The following AUH variants were observed in gnomAD, a reference collection of about 807,000 sequenced individuals.
AUH encodes AU RNA binding methylglutaconyl-CoA hydratase.
AUH carries 29 observed loss-of-function variants against 42.3 expected under a neutral mutation model. The ratio of observed to expected loss-of-function variants is 0.69; its 90% CI spans 0.51 to 0.93. AUH has a LOEUF of 0.93. Among genes scored for constraint, AUH ranks in the 40% least tolerant of loss-of-function variants. The pLI is 0.00. For missense variants in AUH, 452 were observed against 438.1 expected (o/e 1.03, Z -0.28); for synonymous variants, 174 against 166.4 (o/e 1.05, Z -0.35).
intron 6 of AUH, among the ~76,000 whole-genome samples, chr9:91,240,408 G>A (rs529467814): frequency 6.6e-6 from 1 of 152,134 alleles, no homozygotes; most frequent in Non-Finnish European, 1.5e-5. Context: ...CAAGACGTGA[G>A]CACATGACTC....
chr9:91,325,880 T>TA (rs1393293558), intron 3 of AUH, among the ~76,000 whole-genome samples: 5 of 152,140 alleles, frequency 3.3e-5, no homozygotes, highest in Admixed American at 3.3e-4. Flanking sequence ...GCCAACCCAG[T>TA]AAAAAGGGCA....
intron 6 of AUH, among the ~76,000 whole-genome samples, chr9:91,283,113 C>T (rs527426576): frequency 4.0e-4 from 61 of 152,004 alleles, no homozygotes; most frequent in African/African-American, 1.4e-3. Context: ...GCTTATCCAC[C>T]ATGATCAAGT....
chr9:91,280,934 T>A (rs1280007974), intron 6 of AUH, among the ~76,000 whole-genome samples: 1 of 152,206 alleles, frequency 6.6e-6, no homozygotes, highest in Non-Finnish European at 1.5e-5. Context: ...CCTGTGCATT[T>A]TCCTCTTTCA....
At chr9:91,332,542 G>T (rs1193982667) in intron 3 of AUH, among the ~76,000 whole-genome samples, 1 of 152,134 alleles carries the variant, frequency 6.6e-6, no homozygotes, top group Non-Finnish European at 1.5e-5. Context: ...TCCTTAAAAA[G>T]TGTAAACTGA....
chr9:91,347,160 C>G (rs941652467), intron 3 of AUH, among the ~76,000 whole-genome samples: 1 of 152,134 alleles, frequency 6.6e-6, no homozygotes, highest in Non-Finnish European at 1.5e-5. Context: ...CCTCAGCCCC[C>G]TCAAGTAGCT....
At position 91,313,439 on chromosome 9, in the gene AUH, C is replaced by G. The variant is rs1024301725; in HGVS notation, c.505+11879G>C. The stretch of plus-strand genomic sequence containing the variant: ...GAACAAACTTGGCCGGGCGCGGTGG[C>G]TCACGCCTGTAATCCCAGCACTTTG... On this transcript the variant is annotated intron_variant, in intron 4 of 9. Transcript: ENST00000375731. Among the ~76,000 whole-genome samples the G allele has an allele frequency of 3.9e-5, 6 of 152,036 alleles. No individual in the cohort carries two copies. The South Asian group carries it at 1.2e-3, about 32-fold the overall frequency.
At chr9:91,301,459 T>C (rs999033349) in intron 4 of AUH, among the ~76,000 whole-genome samples, 1 of 152,114 alleles carries the variant, frequency 6.6e-6, no homozygotes, top group East Asian at 1.9e-4. Flanking sequence ...AATCCCAGCA[T>C]TCTGGGAGGC....
intron 6 of AUH, among the ~76,000 whole-genome samples, chr9:91,292,865 C>G (rs574511356): frequency 6.6e-6 from 1 of 152,196 alleles, no homozygotes; most frequent in South Asian, 2.1e-4. Context: ...TTAATGGTAA[C>G]CCTGCATCAA....
intron 4 of AUH, among the ~76,000 whole-genome samples, chr9:91,318,848 G>A (rs916724788): frequency 6.6e-6 from 1 of 152,186 alleles, no homozygotes; most frequent in African/African-American, 2.4e-5. Flanking sequence ...GGCAGTTTTG[G>A]GAAAGGATTC....
intron 6 of AUH, among the ~76,000 whole-genome samples, chr9:91,229,997 C>T (rs1251061551): frequency 6.6e-6 from 1 of 151,770 alleles, no homozygotes; most frequent in Admixed American, 6.6e-5. Flanking sequence ...ACATTTTTTC[C>T]TTCATTTCAA....
intron 3 of AUH, among the ~76,000 whole-genome samples, chr9:91,348,071 TAAAAAAAAAC>T (rs1348985753): frequency 7.3e-6 from 1 of 137,454 alleles, no homozygotes; most frequent in Non-Finnish European, 1.6e-5. Flanking sequence ...ATCAAGAATA[TAAAAAAAAAC>T]AAAAAAAAAA....
chr9:91,286,300 A>G (rs965035533), intron 6 of AUH, among the ~76,000 whole-genome samples: 1 of 152,096 alleles, frequency 6.6e-6, no homozygotes, highest in Admixed American at 6.6e-5. Flanking sequence ...CACAGCCAAC[A>G]ATGATGTACA....
At chr9:91,257,606 T>C (rs1587707831) in intron 6 of AUH, among the ~76,000 whole-genome samples, 1 of 152,348 alleles carries the variant, frequency 6.6e-6, no homozygotes, top group Middle Eastern at 3.4e-3. Flanking sequence ...CATATATGTA[T>C]GTGCAGGTCT....
chr9:91,242,069 G>C (rs115165198), intron 6 of AUH, among the ~76,000 whole-genome samples: 2 of 152,180 alleles, frequency 1.3e-5, no homozygotes, highest in Admixed American at 1.3e-4. Flanking sequence ...CCTTCCCCAC[G>C]GCTGGCAGGC....
At chr9:91,325,207 T>C (rs900476404) in intron 4 of AUH, 111 bp downstream of exon 4, 2 of 837,582 alleles carry the variant, frequency 2.4e-6, no homozygotes, top group Admixed American at 2.1e-5. Flanking sequence ...AGGTCATGAT[T>C]ATCTAATTAT....
chr9:91,300,867 A>C (rs1452602891), intron 4 of AUH, among the ~76,000 whole-genome samples: 1 of 152,186 alleles, frequency 6.6e-6, no homozygotes, highest in East Asian at 1.9e-4. Context: ...TTGTCTGTCG[A>C]GGCTCAAATG....
At chr9:91,276,394 C>G (rs1825545835) in intron 6 of AUH, among the ~76,000 whole-genome samples, 1 of 143,428 alleles carries the variant, frequency 7.0e-6, no homozygotes, top group African/African-American at 2.6e-5. Context: ...CTGCAGATGA[C>G]AGAGTAAGAC....
At chr9:91,317,126 T>C (rs915737860) in intron 4 of AUH, among the ~76,000 whole-genome samples, 2 of 152,206 alleles carry the variant, frequency 1.3e-5, no homozygotes, top group African/African-American at 4.8e-5. Context: ...TAATACACCG[T>C]CTTCATTTCT....
At chr9:91,313,767 AAG>A (rs1198354443) in intron 4 of AUH, among the ~76,000 whole-genome samples, 1 of 151,956 alleles carries the variant, frequency 6.6e-6, no homozygotes, top group East Asian at 1.9e-4. Context: ...AACTAGTGAA[AAG>A]AGAGCCAGAA....
Sources: allele counts gnomAD v4.1 joint callset (sites outside exome capture counted in the v4.1 genomes callset), GRCh38; gene constraint gnomAD v4.1.1; transcripts MANE v1.5; gene names NCBI Gene and HGNC (gene_info 2026-07-23, HGNC 2026-07-21).